PHACTR3: variants seen among roughly 807,000 people sequenced by gnomAD.
PHACTR3 encodes the protein phosphatase and actin regulator 3, also known as protein phosphatase 1, regulatory subunit 123.
A neutral mutation model predicts 66.8 loss-of-function variants in PHACTR3; 16 were observed. The observed-to-expected ratio is 0.24, with a 90% CI of 0.16 to 0.36. The LOEUF (loss-of-function observed/expected upper bound fraction) is 0.36, where lower values mean the gene tolerates loss of function less well. PHACTR3 is among the 10% of genes least tolerant of loss of function. The pLI, the probability that PHACTR3 is intolerant of heterozygous loss-of-function variation, is 1.00. For synonymous variants in PHACTR3, 323 were observed against 292.1 expected, an observed-to-expected ratio of 1.11 and a Z score of -1.08; for missense variants, 647 against 719.9, an observed-to-expected ratio of 0.90 and a Z score of 1.16.
chr20:59,663,662 G>A (rs1366426069), intron 1 of PHACTR3, among the ~76,000 whole-genome samples: 1 of 152,204 alleles, frequency 6.6e-6, no homozygotes, highest in Non-Finnish European at 1.5e-5. Context: ...GACTGACGAT[G>A]CCGCGTGCAG....
intron 1 of PHACTR3, among the ~76,000 whole-genome samples, chr20:59,578,867 CAG>C (rs1187574278): frequency 6.6e-6 from 1 of 152,214 alleles, no homozygotes. Flanking sequence ...AGCTCAGGCA[CAG>C]AGGATGGGCA....
At position 59,623,386 on chromosome 20, in the gene PHACTR3, A is replaced by T. The variant is rs530888551; in HGVS notation, c.118+18254A>T. On this transcript the variant is annotated intron_variant, in intron 1 of 12. Transcript: ENST00000371015. ...GCTGTTGTGGGGGTTAAATGATATG[A>T]TCTGTCACATTCCTGTTACATGTAT... Among the ~76,000 whole-genome samples the T allele has an allele frequency of 3.3e-5, 5 of 152,224 alleles. No individual in the cohort carries two copies. The South Asian group carries it at 1.0e-3, about 32-fold the overall frequency.
At chr20:59,649,465 T>G (rs1174290476) in intron 1 of PHACTR3, among the ~76,000 whole-genome samples, 1 of 152,230 alleles carries the variant, frequency 6.6e-6, no homozygotes, top group Admixed American at 6.5e-5. Flanking sequence ...ATATTTCATG[T>G]TGTAACTCGG....
chr20:59,723,056 C>CTT (rs1568746802), intron 1 of PHACTR3, among the ~76,000 whole-genome samples: 61 of 140,824 alleles, frequency 4.3e-4, no homozygotes, highest in African/African-American at 1.7e-3. Context: ...TTCTTTCTTT[C>CTT]TTTCTCTTTC....
At chr20:59,628,932 C>G in intron 1 of PHACTR3, 1 of 493,176 alleles carries the variant, frequency 2.0e-6, no homozygotes, top group Non-Finnish European at 2.6e-6. Flanking sequence ...ACAGCATCCA[C>G]CTTTCCATGG....
At chr20:59,764,852 C>T (rs888105086) in intron 4 of PHACTR3, among the ~76,000 whole-genome samples, 3 of 152,076 alleles carry the variant, frequency 2.0e-5, no homozygotes, top group East Asian at 1.9e-4. Flanking sequence ...GGGGTGGGAC[C>T]CCCCCAGGAA....
intron 12 of PHACTR3, among the ~76,000 whole-genome samples, chr20:59,846,446 T>A (rs193223979): frequency 6.6e-6 from 1 of 152,170 alleles, no homozygotes; most frequent in Admixed American, 6.5e-5. Context: ...TATGGAGGAA[T>A]AGGTCATATG....
At chr20:59,704,562 C>CTTTTTTTTT (rs11331156) in intron 1 of PHACTR3, among the ~76,000 whole-genome samples, 1 of 89,474 alleles carries the variant, frequency 1.1e-5, no homozygotes, top group Non-Finnish European at 2.2e-5. Flanking sequence ...TGAGAATAGT[C>CTTTTTTTTT]TTTTTTTTTT....
intron 2 of PHACTR3, among the ~76,000 whole-genome samples, chr20:59,745,257 A>G (rs1998968): frequency 0.82 from 124,986 of 152,168 alleles, 51,861 homozygotes; most frequent in African/African-American, 0.94. Context: ...CCGGGGGACT[A>G]GAGCAGAGTG....
intron 1 of PHACTR3, among the ~76,000 whole-genome samples, chr20:59,577,982 G>T (rs942909722): frequency 1.3e-5 from 2 of 152,274 alleles, no homozygotes; most frequent in Admixed American, 1.3e-4. Context: ...GTGAAATGGG[G>T]GATACCTGTG....
At chr20:59,686,593 G>GTGA (rs1447172149) in intron 1 of PHACTR3, among the ~76,000 whole-genome samples, 1 of 151,318 alleles carries the variant, frequency 6.6e-6, no homozygotes, top group Non-Finnish European at 1.5e-5. Flanking sequence ...GATGATGATG[G>GTGA]TGATGATGAT....
intron 1 of PHACTR3, among the ~76,000 whole-genome samples, chr20:59,641,151 C>A (rs1046024488): frequency 6.6e-6 from 1 of 152,072 alleles, no homozygotes; most frequent in Non-Finnish European, 1.5e-5. Flanking sequence ...ATCTACCAAT[C>A]CATCCATCCA....
intron 1 of PHACTR3, among the ~76,000 whole-genome samples, chr20:59,596,045 G>T (rs541160930): frequency 1.3e-5 from 2 of 152,172 alleles, no homozygotes; most frequent in African/African-American, 4.8e-5. Context: ...TCCCAAAGCC[G>T]CCTCGTGTCC....
chr20:59,720,897 T>C (rs528927669), intron 1 of PHACTR3, among the ~76,000 whole-genome samples: 1 of 152,060 alleles, frequency 6.6e-6, no homozygotes, highest in Non-Finnish European at 1.5e-5. Context: ...TCCTTGAAAA[T>C]CGAGTGATTT....
intron 1 of PHACTR3, among the ~76,000 whole-genome samples, chr20:59,737,325 C>T (rs1158441225): frequency 1.3e-5 from 2 of 152,110 alleles, no homozygotes; most frequent in Non-Finnish European, 2.9e-5. Context: ...TGGTTCAGGG[C>T]TCTCTATGTC....
chr20:59,706,030 C>T (rs1248444165), intron 1 of PHACTR3, among the ~76,000 whole-genome samples: 3 of 152,224 alleles, frequency 2.0e-5, no homozygotes, highest in African/African-American at 7.2e-5. Context: ...AATTCCAAGT[C>T]AGCAGGTGAC....
intron 1 of PHACTR3, among the ~76,000 whole-genome samples, chr20:59,720,771 G>C (rs565631639): frequency 1.7e-3 from 266 of 152,346 alleles, no homozygotes; most frequent in African/African-American, 6.2e-3. Context: ...AGTCCTCGCA[G>C]ATTCCAGAAG....
upstream of PHACTR3, among the ~76,000 whole-genome samples, chr20:59,602,433 C>A (rs2033505483): frequency 7.8e-6 from 1 of 127,394 alleles, no homozygotes; most frequent in Admixed American, 8.3e-5. Context: ...CAGAGCAAAA[C>A]TCTTTCAAAA....
chr20:59,718,894 G>A (rs918986157), intron 1 of PHACTR3, among the ~76,000 whole-genome samples: 2 of 152,216 alleles, frequency 1.3e-5, no homozygotes, highest in East Asian at 1.9e-4. Flanking sequence ...CTTGGCCTAC[G>A]CATGGGCGTG....
Sources: gnomAD v4.1 joint callset for allele counts (sites outside exome capture counted in the v4.1 genomes callset) on GRCh38, gnomAD v4.1.1 for gene constraint, MANE v1.5 for transcripts, NCBI Gene and HGNC (gene_info 2026-07-23, HGNC 2026-07-21) for gene names.